ARHGAP10: variants seen among roughly 807,000 people sequenced by gnomAD.
ARHGAP10 encodes the protein Rho GTPase activating protein 10, also known as rho GTPase-activating protein 10.
A neutral mutation model predicts 108.6 loss-of-function variants in ARHGAP10; 87 were observed. The ratio of observed to expected loss-of-function variants is 0.80; its 90% CI spans 0.67 to 0.96. The LOEUF (loss-of-function observed/expected upper bound fraction) is 0.96. Among genes scored for constraint, ARHGAP10 ranks in the 40% least tolerant of loss-of-function variants. The probability of loss-of-function intolerance (pLI) is 0.00; values close to 1 mark genes in which losing one functional copy is unlikely to be tolerated. For missense variants in ARHGAP10, 939 were observed against 954.5 expected (o/e 0.98, Z 0.21); for synonymous variants, 347 against 341.1 (o/e 1.02, Z -0.19).
chr4:147,809,811 A>G (rs1001645942), intron 1 of ARHGAP10, among the ~76,000 whole-genome samples: 6 of 152,186 alleles, frequency 3.9e-5, no homozygotes, highest in African/African-American at 1.4e-4. Flanking sequence ...TCACGTATGC[A>G]TAGTTCACAA....
At chr4:147,922,660 C>T (rs1246173412) in intron 13 of ARHGAP10, among the ~76,000 whole-genome samples, 2 of 140,526 alleles carry the variant, frequency 1.4e-5, no homozygotes, top group Non-Finnish European at 3.0e-5. Context: ...TGCACTCCAG[C>T]CTGGGCGACA....
chr4:147,895,260 G>A (rs991285621), intron 10 of ARHGAP10, among the ~76,000 whole-genome samples: 1 of 151,698 alleles, frequency 6.6e-6, no homozygotes, highest in African/African-American at 2.4e-5. Flanking sequence ...GTCACTATTA[G>A]CATGTAGAAA....
intron 1 of ARHGAP10, among the ~76,000 whole-genome samples, chr4:147,779,001 G>A (rs189213749): frequency 3.6e-4 from 55 of 152,342 alleles, no homozygotes; most frequent in African/African-American, 1.2e-3. Flanking sequence ...TGGGAATAGC[G>A]AATATGTGTT....
At chr4:147,867,210 A>G (rs1734602121) in intron 7 of ARHGAP10, among the ~76,000 whole-genome samples, 1 of 152,148 alleles carries the variant, frequency 6.6e-6, no homozygotes. Flanking sequence ...TTTCTTCCCT[A>G]CATTTTATGC....
chr4:147,944,308 T>C (rs1399939370), intron 14 of ARHGAP10, among the ~76,000 whole-genome samples: 3 of 152,224 alleles, frequency 2.0e-5, no homozygotes, highest in Admixed American at 2.0e-4. Flanking sequence ...TTGTAGGAAC[T>C]GATCAAAATG....
chr4:147,947,924 A>G (rs1296262629), intron 15 of ARHGAP10, among the ~76,000 whole-genome samples: 1 of 149,384 alleles, frequency 6.7e-6, no homozygotes, highest in Non-Finnish European at 1.5e-5. Context: ...TTAATTCATT[A>G]ATCTTCCTAC....
chr4:148,004,864 T>C (rs1425036411), intron 18 of ARHGAP10, among the ~76,000 whole-genome samples: 2 of 152,216 alleles, frequency 1.3e-5, no homozygotes, highest in African/African-American at 4.8e-5. Flanking sequence ...TTTGAGATCA[T>C]TGATAGCTTT....
chr4:147,857,797 GA>G (rs1734155999), intron 5 of ARHGAP10, 143 bp downstream of exon 5: 2 of 692,850 alleles, frequency 2.9e-6, no homozygotes, highest in Non-Finnish European at 4.0e-6. Context: ...CATAAATTAA[GA>G]AAAAAGTCCT....
chr4:147,986,437 T>C (rs533840667), intron 18 of ARHGAP10, among the ~76,000 whole-genome samples: 1 of 152,366 alleles, frequency 6.6e-6, no homozygotes, highest in South Asian at 2.1e-4. Context: ...TAATATTAAA[T>C]GACTGCAATT....
chr4:147,864,432 T>C (rs1012101195), intron 5 of ARHGAP10: 2 of 157,302 alleles, frequency 1.3e-5, no homozygotes, highest in Non-Finnish European at 2.8e-5. Flanking sequence ...AGAGGATTTG[T>C]TCATCGAAAT....
intron 19 of ARHGAP10, among the ~76,000 whole-genome samples, chr4:148,044,479 T>G (rs757817853): frequency 6.6e-6 from 1 of 152,182 alleles, no homozygotes; most frequent in Non-Finnish European, 1.5e-5. Context: ...AGGGAGCTGC[T>G]GGCATCTGAC....
chr4:147,926,822 C>T (rs967068753), intron 13 of ARHGAP10, among the ~76,000 whole-genome samples: 4 of 152,146 alleles, frequency 2.6e-5, no homozygotes, highest in Admixed American at 2.0e-4. Flanking sequence ...GTGCCAAATA[C>T]TCTAGAAAGG....
rs550809513 is a variant in ARHGAP10 at position 147,878,502 on chromosome 4, T to G, written c.833-730T>G. On this transcript the variant is annotated intron_variant, in intron 8 of 22. Transcript: ENST00000336498. Reference sequence around the variant, plus strand: ...TAGGTGGATTTTTAGACTAGATGCTTCTTAGCACTATGATTCTATAATTCT... The same window carrying G: ...TAGGTGGATTTTTAGACTAGATGCTGCTTAGCACTATGATTCTATAATTCT... 7.2e-5 allele frequency among the ~76,000 whole-genome samples: 11 copies of G among 152,306 alleles called. No homozygotes were observed. In the South Asian group the frequency reaches 2.1e-3, roughly 29 times the overall value.
At chr4:148,035,965 T>C (rs1343304392) in intron 19 of ARHGAP10, among the ~76,000 whole-genome samples, 3 of 152,180 alleles carry the variant, frequency 2.0e-5, no homozygotes, top group Non-Finnish European at 4.4e-5. Context: ...AAAAAAGATA[T>C]CTCTAGGTTC....
chr4:147,905,591 T>A (rs1736455321), intron 10 of ARHGAP10, among the ~76,000 whole-genome samples: 1 of 130,364 alleles, frequency 7.7e-6, no homozygotes, highest in South Asian at 3.0e-4. Context: ...CATTGATCTA[T>A]ATCTCTGTTT....
At chr4:147,972,061 A>G (rs1260353293) in intron 18 of ARHGAP10, among the ~76,000 whole-genome samples, 1 of 152,110 alleles carries the variant, frequency 6.6e-6, no homozygotes, top group Non-Finnish European at 1.5e-5. Context: ...TTGGGGGAGG[A>G]GTAAGATGAG....
intron 1 of ARHGAP10, among the ~76,000 whole-genome samples, chr4:147,751,034 C>T (rs1729121782): frequency 6.6e-6 from 1 of 151,710 alleles, no homozygotes; most frequent in Non-Finnish European, 1.5e-5. Context: ...TAAAAATTAG[C>T]CGGGTGTGAT....
intron 5 of ARHGAP10, 55 bp from the exon 6 acceptor site, chr4:147,864,791 A>T: frequency 6.6e-7 from 1 of 1,506,240 alleles, no homozygotes; most frequent in Non-Finnish European, 9.2e-7. Flanking sequence ...CCTCTGATGT[A>T]GCGTTTCACT....
At chr4:147,829,242 C>T (rs1015593889) in intron 3 of ARHGAP10, among the ~76,000 whole-genome samples, 1 of 151,906 alleles carries the variant, frequency 6.6e-6, no homozygotes, top group Admixed American at 6.6e-5. Flanking sequence ...TTAGTAGAGA[C>T]AGGGTTTCAC....
Sources: allele counts gnomAD v4.1 joint callset (sites outside exome capture counted in the v4.1 genomes callset), GRCh38; gene constraint gnomAD v4.1.1; transcripts MANE v1.5; gene names NCBI Gene and HGNC (gene_info 2026-07-23, HGNC 2026-07-21).